The following PTPRD variants were observed in gnomAD, a reference collection of about 807,000 sequenced individuals.
PTPRD encodes the protein receptor-type tyrosine-protein phosphatase delta.
A neutral mutation model predicts 214.5 loss-of-function variants in PTPRD; 34 were observed. The observed-to-expected ratio is 0.16, with a 90% CI of 0.12 to 0.21. The LOEUF is 0.21. Among genes scored for constraint, PTPRD ranks in the 10% least tolerant of loss-of-function variants. The pLI, the probability that PTPRD is intolerant of heterozygous loss-of-function variation, is 1.00. For synonymous variants in PTPRD, 1,128 were observed against 845.7 expected (o/e 1.33, Z -5.79); for missense variants, 2,545 against 2,398.7 (o/e 1.06, Z -1.27).
chr9:9,325,647 A>G (rs969919576), intron 9 of PTPRD, among the ~76,000 whole-genome samples: 40 of 152,174 alleles, frequency 2.6e-4, no homozygotes, highest in Non-Finnish European at 3.8e-4. Flanking sequence ...AACAAGGACA[A>G]TTTGACTTCC....
intron 8 of PTPRD, among the ~76,000 whole-genome samples, chr9:9,489,268 C>T (rs190786301): frequency 4.6e-5 from 7 of 152,184 alleles, no homozygotes; most frequent in Admixed American, 3.3e-4. Flanking sequence ...AAATAAAACA[C>T]GAACATTCCA....
At chr9:10,359,548 G>T (rs1373928677) in intron 2 of PTPRD, among the ~76,000 whole-genome samples, 3 of 151,946 alleles carry the variant, frequency 2.0e-5, no homozygotes, top group African/African-American at 7.2e-5. Flanking sequence ...AGAAGATTTT[G>T]GCACAAATTA....
intron 6 of PTPRD, among the ~76,000 whole-genome samples, chr9:9,746,905 C>A (rs1448681483): frequency 6.7e-6 from 1 of 150,248 alleles, no homozygotes; most frequent in Admixed American, 6.7e-5. Flanking sequence ...AATTCCTGGA[C>A]TGCAAAGCAA....
intron 11 of PTPRD, among the ~76,000 whole-genome samples, chr9:8,929,886 T>C (rs62529107): frequency 0.01 from 608 of 59,934 alleles, 65 homozygotes; most frequent in African/African-American, 0.027. Flanking sequence ...TATATATGTG[T>C]GTGTATATAT....
intron 33 of PTPRD, among the ~76,000 whole-genome samples, chr9:8,453,593 C>A (rs568975645): frequency 1.3e-5 from 2 of 152,324 alleles, no homozygotes; most frequent in East Asian, 1.9e-4. Context: ...AAAGAAGACA[C>A]CCTCATAGAG....
At chr9:8,446,823 C>G (rs1174263850) in intron 34 of PTPRD, among the ~76,000 whole-genome samples, 2 of 152,054 alleles carry the variant, frequency 1.3e-5, no homozygotes, top group Non-Finnish European at 2.9e-5. Context: ...CCAAGAAAAC[C>G]CTTGATTCTT....
chr9:9,355,460 T>C (rs1470042424), intron 9 of PTPRD, among the ~76,000 whole-genome samples: 2 of 151,656 alleles, frequency 1.3e-5, no homozygotes, highest in African/African-American at 2.4e-5. Context: ...TGGAATGTCA[T>C]GAATAAGATA....
At chr9:9,237,046 T>C (rs1390785311) in intron 9 of PTPRD, among the ~76,000 whole-genome samples, 3 of 152,176 alleles carry the variant, frequency 2.0e-5, no homozygotes, top group Non-Finnish European at 4.4e-5. Context: ...CTTTCTCTAC[T>C]AAGCTAAAAT....
intron 11 of PTPRD, among the ~76,000 whole-genome samples, chr9:8,754,226 AG>A: frequency 6.6e-6 from 1 of 152,264 alleles, no homozygotes; most frequent in Non-Finnish European, 1.5e-5. Flanking sequence ...TATAAACTTC[AG>A]CATACTATTC....
chr9:8,560,282 A>G (rs563115735), intron 14 of PTPRD, among the ~76,000 whole-genome samples: 20 of 152,272 alleles, frequency 1.3e-4, no homozygotes, highest in Admixed American at 4.6e-4. Flanking sequence ...ACTCCATGCA[A>G]ATCTTTAAGA....
intron 8 of PTPRD, among the ~76,000 whole-genome samples, chr9:9,501,676 A>C (rs368795493): frequency 9.4e-4 from 143 of 152,072 alleles, no homozygotes; most frequent in African/African-American, 3.2e-3. Flanking sequence ...CCATAAAACT[A>C]TACACCTTAC....
intron 2 of PTPRD, among the ~76,000 whole-genome samples, chr9:10,385,010 G>T (rs965215081): frequency 4.0e-5 from 6 of 151,632 alleles, no homozygotes; most frequent in Non-Finnish European, 5.9e-5. Context: ...GGCTCACAAG[G>T]TTATTTCTCC....
intron 2 of PTPRD, among the ~76,000 whole-genome samples, chr9:10,566,756 C>T (rs892068561): frequency 6.6e-6 from 1 of 151,890 alleles, no homozygotes; most frequent in Non-Finnish European, 1.5e-5. Context: ...TTTTCCCTTA[C>T]CTTGAGTCAT....
chr9:9,811,299 G>C (rs2047061638), intron 5 of PTPRD, among the ~76,000 whole-genome samples: 1 of 152,208 alleles, frequency 6.6e-6, no homozygotes, highest in South Asian at 2.1e-4. Context: ...AGAAACTACA[G>C]ATGTGGTAGA....
At chr9:9,363,446 A>C (rs1314584392) in intron 9 of PTPRD, among the ~76,000 whole-genome samples, 1 of 151,390 alleles carries the variant, frequency 6.6e-6, no homozygotes, top group Non-Finnish European at 1.5e-5. Context: ...TTAGAAATTA[A>C]CTATATTTTG....
chr9:8,705,602 G>C (rs114788378), intron 12 of PTPRD, among the ~76,000 whole-genome samples: 13 of 152,006 alleles, frequency 8.6e-5, no homozygotes, highest in African/African-American at 2.4e-4. Context: ...CAGCAAAGAA[G>C]ACATAAAAGA....
chr9:9,822,173 G>A (rs528226115), intron 5 of PTPRD, among the ~76,000 whole-genome samples: 25 of 150,700 alleles, frequency 1.7e-4, no homozygotes, highest in African/African-American at 5.8e-4. Flanking sequence ...CGCACTTTGG[G>A]AGGCTGAGGT....
intron 9 of PTPRD, among the ~76,000 whole-genome samples, chr9:9,185,981 A>C (rs1225199693): frequency 6.6e-6 from 1 of 151,890 alleles, no homozygotes; most frequent in Non-Finnish European, 1.5e-5. Flanking sequence ...AAAACTATTT[A>C]ACATCAGTGA....
At position 8,588,746 on chromosome 9, in the gene PTPRD, T is replaced by C. The variant is rs186362425; in HGVS notation, c.352+44571A>G. On this transcript the variant is annotated intron_variant, in intron 14 of 45. Coordinates refer to ENST00000381196, the MANE Select transcript of PTPRD (RefSeq NM_002839.4). ...AAAGAAAACCAGACACTACTTGACC[T>C]GCAATCTTAGGAAGTTATTGATTTT... 7.2e-5 allele frequency among the ~76,000 whole-genome samples: 11 copies of C among 152,294 alleles called. 1 individual carries two copies. In the East Asian group the frequency reaches 2.1e-3, roughly 29 times the overall value.
Sources: gnomAD v4.1 joint callset for allele counts (sites outside exome capture counted in the v4.1 genomes callset) on GRCh38, gnomAD v4.1.1 for gene constraint, MANE v1.5 for transcripts, NCBI Gene and HGNC (gene_info 2026-07-23, HGNC 2026-07-21) for gene names.